The following KCNK10 variants were observed in gnomAD, a reference collection of about 807,000 sequenced individuals.
KCNK10 encodes the protein potassium two pore domain channel subfamily K member 10.
Under a neutral mutation model 47.7 loss-of-function variants are expected in KCNK10, and 25 were observed. The ratio of observed to expected loss-of-function variants is 0.52; its 90% CI spans 0.38 to 0.73. KCNK10 has a LOEUF of 0.73. KCNK10 is among the 30% of genes least tolerant of loss of function. KCNK10 has a pLI of 0.00. For synonymous variants in KCNK10, 303 were observed against 285.6 expected (o/e 1.06, Z -0.61); for missense variants, 563 against 714.5 (o/e 0.79, Z 2.42).
At position 88,185,651 on chromosome 14, in the gene KCNK10, T is replaced by C. The variant is rs78951360; in HGVS notation, c.1516A>G (p.Thr506Ala). Residue 506 changes from threonine (T) to alanine (A), a missense_variant, in exon 7 of 7, where the codon ACA (threonine) becomes GCA (alanine). Physicochemically the swap from Thr to Ala is moderately conservative, Grantham distance 58 (BLOSUM62 0). Transcript: ENST00000319231. This position sits in a 1 kb window ranked among gnomAD's most constrained non-coding sequence, Gnocchi z 4.3. The stretch of plus-strand genomic sequence containing the variant: ...TGGATACAGTCCGTCAGCATGGCTG[T>C]GCTGGAGTTGTCTGAGTTACACATC... ...EKMCNSDNSS[T>A]AMLTDCIQQH... 83 of 1,614,112 alleles carry C rather than the reference T, an allele frequency of 5.1e-5. No homozygotes were observed. The highest frequency in any genetic ancestry group is 6.8e-5 in the Non-Finnish European group (80 of 1,180,048).
rs149714386 is a variant in KCNK10, at chr14:88,187,995, C to T, written c.983G>A (p.Arg328Gln). Residue 328 changes from arginine (R) to glutamine (Q), a missense_variant, in exon 6 of 7, where the codon CGG becomes CAG. Physicochemically the swap from Arg to Gln is conservative, Grantham distance 43 (BLOSUM62 1). Coordinates refer to ENST00000319231, the MANE Select transcript of KCNK10 (RefSeq NM_138317.3). ...TTCTTTTGTCTTTTTGGACAGAACC[C>T]GTAGCCAATCTCCGATCATACTGAG... Reference protein sequence around the residue: ...AVLSMIGDWLRVLSKKTKEEV... With the variant: ...AVLSMIGDWLQVLSKKTKEEV... The T allele has an allele frequency of 2.5e-6, 4 of 1,614,092 alleles. No homozygotes were observed. Among genetic ancestry groups the T allele is most frequent in the Admixed American group, 1.7e-5 (1 of 60,008 alleles).
Position 88,323,192 on chromosome 14 carries a change from T to C in KCNK10, c.-394A>G, listed in dbSNP as rs1888587239. 2.8e-6 allele frequency: 3 copies of C among 1,063,396 alleles called. No individual in the cohort carries two copies. The highest frequency in any genetic ancestry group is 3.4e-6 in the Non-Finnish European group (3 of 876,814). The allele number at this position is 1,063,396 out of a possible 1,614,324, so 65.9% of individuals were successfully genotyped here. A position where few individuals can be genotyped will look rare whatever the true frequency, so the allele number is the denominator to read the frequency against. ...GGCTACGGAGAAGCCCACTGCAGTG[T>C]CACTCCAGCCCCCGAAGGCGTGTGC... On this transcript the variant is annotated 5_prime_UTR_variant, in exon 1 of 7. Transcript: ENST00000319231.
At chr14:88,188,526 A>G (rs951421354) in intron 5 of KCNK10, among the ~76,000 whole-genome samples, 5 of 152,342 alleles carry the variant, frequency 3.3e-5, no homozygotes, top group African/African-American at 1.2e-4. Flanking sequence ...ATGGTTTGGA[A>G]TTCTTGGAAC....
At position 88,185,802 on chromosome 14, in the gene KCNK10, G is replaced by A. The variant is rs756905433; in HGVS notation, c.1365C>T (p.Thr455=). ...TGTTTTTCCTCTTGGTGAGTCTGGA[G>A]GTGGACCCGAACTTGTTGATGATGT... ...EDNIINKFGS[T]SRLTKRKNKD... is the part of the protein sequence containing the mutation. The change falls in exon 7 of 7, where the codon ACC becomes ACT. Residue 455 remains threonine, a synonymous_variant. Transcript: ENST00000319231. This position sits in a 1 kb window ranked among gnomAD's most constrained non-coding sequence, Gnocchi z 4.3. The A allele has an allele frequency of 6.2e-7, 1 of 1,614,194 alleles. No homozygotes were observed. The highest frequency in any genetic ancestry group is 2.2e-5 in the East Asian group (1 of 44,882).
chr14:88,238,139 T>G (rs924992222), intron 3 of KCNK10, among the ~76,000 whole-genome samples: 3 of 152,222 alleles, frequency 2.0e-5, no homozygotes, highest in African/African-American at 7.2e-5. Flanking sequence ...TTAAATGTCA[T>G]AAACCAACCT....
At chr14:88,245,181 ACTT>A (rs1030546432) in intron 2 of KCNK10, among the ~76,000 whole-genome samples, 4 of 152,242 alleles carry the variant, frequency 2.6e-5, no homozygotes, top group African/African-American at 9.6e-5. Context: ...AAAACATTTT[ACTT>A]CTTTCTAAAA....
At chr14:88,269,603 A>G (rs1887353694) in intron 1 of KCNK10, among the ~76,000 whole-genome samples, 1 of 151,822 alleles carries the variant, frequency 6.6e-6, no homozygotes, top group Non-Finnish European at 1.5e-5. Context: ...TGCCCAACTA[A>G]TTTTTTAATA....
At chr14:88,204,571 G>A (rs983347066) in intron 4 of KCNK10, among the ~76,000 whole-genome samples, 3 of 72,034 alleles carry the variant, frequency 4.2e-5, no homozygotes, top group East Asian at 4.5e-4. Context: ...CCCACCCCCC[G>A]CCATTTCCCC....
intron 1 of KCNK10, among the ~76,000 whole-genome samples, chr14:88,292,359 T>A (rs949188576): frequency 6.6e-6 from 1 of 152,180 alleles, no homozygotes; most frequent in African/African-American, 2.4e-5. Flanking sequence ...GTTGTTGCTG[T>A]TGTTGTTTGA....
intron 4 of KCNK10, among the ~76,000 whole-genome samples, chr14:88,212,620 T>C (rs1261829721): frequency 6.6e-6 from 1 of 152,066 alleles, no homozygotes; most frequent in Non-Finnish European, 1.5e-5. Context: ...ACAAAAGGAT[T>C]CACTGATCCT....
intron 4 of KCNK10, among the ~76,000 whole-genome samples, chr14:88,222,315 A>G (rs745416197): frequency 3.9e-5 from 6 of 152,208 alleles, no homozygotes; most frequent in Non-Finnish European, 7.3e-5. Flanking sequence ...TTGGGTGGGG[A>G]CACAGCCAAA....
chr14:88,236,373 C>T (rs1886301716), intron 3 of KCNK10, among the ~76,000 whole-genome samples: 1 of 151,892 alleles, frequency 6.6e-6, no homozygotes, highest in South Asian at 2.1e-4. Context: ...CATTTTGTTT[C>T]AACTATCCTT....
chr14:88,239,897 A>AAAAT (rs200557429), intron 3 of KCNK10, among the ~76,000 whole-genome samples: 19 of 82,650 alleles, frequency 2.3e-4, no homozygotes, highest in African/African-American at 8.0e-4. Flanking sequence ...AAAATAAAAT[A>AAAAT]AAATAAATAA....
chr14:88,251,000 C>T (rs562750188), intron 2 of KCNK10, among the ~76,000 whole-genome samples: 16 of 152,014 alleles, frequency 1.1e-4, no homozygotes, highest in African/African-American at 3.9e-4. Flanking sequence ...TTTGGGAGGC[C>T]GAGGTGGGCA....
chr14:88,256,441 G>C (rs72687887), intron 2 of KCNK10, among the ~76,000 whole-genome samples: 1 of 151,984 alleles, frequency 6.6e-6, no homozygotes, highest in African/African-American at 2.4e-5. Context: ...CAGTGGAGCC[G>C]GCCCTAGTGT....
At chr14:88,312,357 G>A (rs1480609272) in intron 1 of KCNK10, among the ~76,000 whole-genome samples, 1 of 152,166 alleles carries the variant, frequency 6.6e-6, no homozygotes, top group Non-Finnish European at 1.5e-5. Flanking sequence ...GAGTGCTAAC[G>A]GTCCTCCCTC....
Position 88,185,036 on chromosome 14 carries a change from T to A in KCNK10, c.*499A>T, listed in dbSNP as rs1884494812. On this transcript the variant is annotated 3_prime_UTR_variant, in exon 7 of 7. Coordinates refer to ENST00000319231, the MANE Select transcript of KCNK10 (RefSeq NM_138317.3). The surrounding 1 kb of genome is among the most constrained non-coding windows in gnomAD (Gnocchi z 4.3). ...GAAAGACTAGGTATGATGCACTGAA[T>A]GGTTGGTATCAAAATTCAAGCTCAG... 6.3e-6 allele frequency: 1 copy of A among 159,978 alleles called. No homozygotes were observed. Among genetic ancestry groups the A allele is most frequent in the East Asian group, 1.8e-4 (1 of 5,676 alleles). The allele number at this position is 159,978 out of a possible 1,614,324, so 9.9% of individuals were successfully genotyped here.
At chr14:88,286,342 G>T (rs1414085659) in intron 1 of KCNK10, among the ~76,000 whole-genome samples, 1 of 152,126 alleles carries the variant, frequency 6.6e-6, no homozygotes, top group Non-Finnish European at 1.5e-5. Context: ...ATGCCAATAA[G>T]TTGGGATGGC....
At chr14:88,274,680 G>A (rs927456490) in intron 1 of KCNK10, among the ~76,000 whole-genome samples, 11 of 151,826 alleles carry the variant, frequency 7.2e-5, no homozygotes, top group South Asian at 4.2e-4. Flanking sequence ...GAGGTACTTC[G>A]ATTAATTCCA....
Sources: gnomAD v4.1 joint callset for allele counts (sites outside exome capture counted in the v4.1 genomes callset) on GRCh38, gnomAD v4.1.1 for gene constraint, Gnocchi (gnomAD v3.1) non-coding constraint, MANE v1.5 for transcripts, NCBI Gene and HGNC (gene_info 2026-07-23, HGNC 2026-07-21) for gene names.